Variants in SDK1 observed in about 807,000 individuals in gnomAD.
SDK1 encodes the protein protein sidekick-1.
A neutral mutation model predicts 245.5 loss-of-function variants in SDK1; 157 were observed. The observed-to-expected ratio is 0.64, with a 90% CI of 0.56 to 0.73. The LOEUF (loss-of-function observed/expected upper bound fraction) is 0.73, where lower values mean the gene tolerates loss of function less well. Among genes scored for constraint, SDK1 ranks in the 30% least tolerant of loss-of-function variants. The pLI is 0.00. For missense variants in SDK1, 3,583 were observed against 3,002.3 expected, an observed-to-expected ratio of 1.19 and a Z score of -4.52; for synonymous variants, 1,647 against 1,278.5, an observed-to-expected ratio of 1.29 and a Z score of -6.15.
At chr7:3,468,936 C>A (rs1447741770) in intron 1 of SDK1, among the ~76,000 whole-genome samples, 1 of 152,138 alleles carries the variant, frequency 6.6e-6, no homozygotes, top group Non-Finnish European at 1.5e-5. Flanking sequence ...CCCTTGACTC[C>A]TACAACTTTT....
rs558553126 is a variant in SDK1 at position 3,591,880 on chromosome 7, AG to A, written c.299-27197del. ...CTTTGAGTGCATAAGGATCAGATAC[AG>A]GGAACCTGGGGTGGTGTCTGAAGTT... On this transcript the variant is annotated intron_variant, in intron 1 of 44. Transcript: ENST00000404826. Among the ~76,000 whole-genome samples, 725 of 152,358 alleles carry A rather than the reference AG, an allele frequency of 4.8e-3. 6 individuals carry two copies. The highest frequency in any genetic ancestry group is 0.016 in the African/African-American group (668 of 41,580).
chr7:3,938,762 G>A (rs1002666247), intron 5 of SDK1, among the ~76,000 whole-genome samples: 6 of 151,992 alleles, frequency 3.9e-5, no homozygotes, highest in East Asian at 3.9e-4. Flanking sequence ...GTCCAATCAC[G>A]CACCTGTTTT....
chr7:3,603,742 G>A (rs1468175447), intron 1 of SDK1, among the ~76,000 whole-genome samples: 1 of 152,130 alleles, frequency 6.6e-6, no homozygotes. Flanking sequence ...GCTGAGAGAG[G>A]GCATCCCTGT....
intron 1 of SDK1, among the ~76,000 whole-genome samples, chr7:3,580,518 A>G (rs1407807011): frequency 6.6e-6 from 1 of 152,202 alleles, no homozygotes; most frequent in Non-Finnish European, 1.5e-5. Flanking sequence ...ATCTTTGACA[A>G]AGCTGACAAA....
chr7:4,053,075 A>G (rs1173712043), intron 19 of SDK1, among the ~76,000 whole-genome samples: 3 of 143,646 alleles, frequency 2.1e-5, no homozygotes, highest in African/African-American at 7.9e-5. Context: ...TGACATAGTG[A>G]GACTCTGTCT....
intron 1 of SDK1, among the ~76,000 whole-genome samples, chr7:3,394,823 ATT>A (rs1249855546): frequency 5.9e-5 from 9 of 152,044 alleles, no homozygotes; most frequent in African/African-American, 2.2e-4. Context: ...TAGAAATATA[ATT>A]GATTTTTATA....
chr7:3,597,417 C>A (rs531764888), intron 1 of SDK1, among the ~76,000 whole-genome samples: 4 of 152,174 alleles, frequency 2.6e-5, no homozygotes, highest in Admixed American at 6.5e-5. Context: ...AGACTGAAAC[C>A]TCAAATCCCA....
chr7:3,437,595 C>A (rs920171595), intron 1 of SDK1, among the ~76,000 whole-genome samples: 1 of 151,980 alleles, frequency 6.6e-6, no homozygotes, highest in Non-Finnish European at 1.5e-5. Context: ...AACAGCAAGA[C>A]CCCTTCTCTA....
intron 1 of SDK1, among the ~76,000 whole-genome samples, chr7:3,539,075 C>T (rs1213544330): frequency 6.6e-6 from 1 of 151,882 alleles, no homozygotes; most frequent in Non-Finnish European, 1.5e-5. Context: ...GATCATTATG[C>T]AGACAAGAAG....
At chr7:4,057,837 T>C (rs1245752006) in intron 19 of SDK1, among the ~76,000 whole-genome samples, 4 of 152,232 alleles carry the variant, frequency 2.6e-5, no homozygotes, top group Admixed American at 2.6e-4. Flanking sequence ...ACTACACTAC[T>C]GCTTCATCCA....
intron 5 of SDK1, among the ~76,000 whole-genome samples, chr7:3,883,142 A>T (rs1781247624): frequency 6.6e-6 from 1 of 152,182 alleles, no homozygotes; most frequent in Non-Finnish European, 1.5e-5. Flanking sequence ...TCTTCTGAGG[A>T]TGAAGCAGGA....
chr7:3,597,275 A>C (rs1164940313), intron 1 of SDK1, among the ~76,000 whole-genome samples: 3 of 150,046 alleles, frequency 2.0e-5, no homozygotes, highest in African/African-American at 7.4e-5. Flanking sequence ...TGGTCTCAAA[A>C]AAAAAAAAAA....
chr7:3,576,570 A>C (rs1232093511), intron 1 of SDK1, among the ~76,000 whole-genome samples: 1 of 152,054 alleles, frequency 6.6e-6, no homozygotes. Flanking sequence ...TTTTGGTTGT[A>C]CTTTAGTAAA....
intron 4 of SDK1, among the ~76,000 whole-genome samples, chr7:3,797,694 C>A (rs895412538): frequency 1.3e-5 from 2 of 152,088 alleles, no homozygotes; most frequent in Admixed American, 1.3e-4. Context: ...TTTGGAAAAG[C>A]CCCCTGGAAT....
At chr7:4,236,337 C>T (rs1786166489) in intron 41 of SDK1, among the ~76,000 whole-genome samples, 2 of 152,236 alleles carry the variant, frequency 1.3e-5, no homozygotes, top group Admixed American at 6.5e-5. Context: ...TCCCGCTTTT[C>T]TGTTCTGAGC....
At chr7:3,805,068 G>A (rs1489506407) in intron 4 of SDK1, among the ~76,000 whole-genome samples, 3 of 152,180 alleles carry the variant, frequency 2.0e-5, no homozygotes, top group African/African-American at 7.2e-5. Flanking sequence ...GTAATGTATG[G>A]TTAATTAGTT....
intron 1 of SDK1, among the ~76,000 whole-genome samples, chr7:3,551,094 T>A (rs1403977027): frequency 2.0e-5 from 3 of 152,222 alleles, no homozygotes; most frequent in Non-Finnish European, 2.9e-5. Context: ...CTATTTTTTT[T>A]AAATTTTAAA....
intron 4 of SDK1, among the ~76,000 whole-genome samples, chr7:3,688,192 A>C (rs1326808542): frequency 3.9e-5 from 6 of 152,168 alleles, no homozygotes; most frequent in African/African-American, 1.4e-4. Flanking sequence ...TTTCAAAACA[A>C]CTGAGGCTTT....
chr7:3,349,162 C>T (rs1289328601), intron 1 of SDK1, among the ~76,000 whole-genome samples: 1 of 150,592 alleles, frequency 6.6e-6, no homozygotes, highest in Non-Finnish European at 1.5e-5. Flanking sequence ...TCCCCCATTG[C>T]CTTCAGCTGC....
Sources: allele counts gnomAD v4.1 joint callset (sites outside exome capture counted in the v4.1 genomes callset), GRCh38; gene constraint gnomAD v4.1.1; transcripts MANE v1.5; gene names NCBI Gene and HGNC (gene_info 2026-07-23, HGNC 2026-07-21).